The following PDSS1 variants were observed in gnomAD, a reference collection of about 807,000 sequenced individuals.
PDSS1 encodes decaprenyl diphosphate synthase subunit 1, also known as all trans-polyprenyl-diphosphate synthase PDSS1.
A neutral mutation model predicts 57.5 loss-of-function variants in PDSS1; 43 were observed. The ratio of observed to expected loss-of-function variants is 0.75; its 90% confidence interval spans 0.59 to 0.96. The LOEUF (loss-of-function observed/expected upper bound fraction) is 0.96. Among genes scored for constraint, PDSS1 ranks in the 50% least tolerant of loss-of-function variants. The pLI is 0.00. For missense variants in PDSS1, 438 were observed against 527.8 expected (o/e 0.83, Z 1.67); for synonymous variants, 175 against 191.3 (o/e 0.91, Z 0.70).
Position 26,723,803 on chromosome 10 carries a change from T to C in PDSS1, c.610-3T>C. On this transcript the variant is annotated splice_region_variant and splice_polypyrimidine_tract_variant and intron_variant, in intron 6 of 11. Transcript: ENST00000376215. ...GTTCTGTTTTCCCCCTGTCTTTTTC[T>C]AGGCTGTTCTTGCTGGAGATTTAAT... 3.8e-6 allele frequency: 6 copies of C among 1,599,120 alleles called. No homozygotes were observed. The highest frequency in any genetic ancestry group is 5.1e-6 in the Non-Finnish European group (6 of 1,166,314).
At chr10:26,731,082 C>CTGTA (rs1159341355) in intron 8 of PDSS1, among the ~76,000 whole-genome samples, 4 of 152,040 alleles carry the variant, frequency 2.6e-5, no homozygotes, top group Non-Finnish European at 5.9e-5. Flanking sequence ...TGGCACACAC[C>CTGTA]TGTAATCCCA....
At chr10:26,704,879 C>G in intron 3 of PDSS1, 138 bp downstream of exon 3, 1 of 648,544 alleles carries the variant, frequency 1.5e-6, no homozygotes, top group Non-Finnish European at 2.8e-6. Flanking sequence ...TCAAGCTATC[C>G]TCCCACCCTC....
rs141257000 is a variant in PDSS1 at position 26,728,848 on chromosome 10, A to G, written c.831+4725A>G. Among the ~76,000 whole-genome samples the G allele has an allele frequency of 2.7e-3, 365 of 133,664 alleles. 1 individual carries two copies. The highest frequency in any genetic ancestry group is 9.7e-3 in the African/African-American group (341 of 35,066). 87.7% of individuals were successfully genotyped at this position (133,664 alleles called of 152,430 possible). On this transcript the variant is annotated intron_variant, in intron 8 of 11. Coordinates refer to ENST00000376215, the MANE Select transcript of PDSS1 (RefSeq NM_014317.5). The stretch of plus-strand genomic sequence containing the variant: ...CGCTGGAGTGCAGTGGTGCAATCTC[A>G]GCTCACTGCAACCTCCACCTCCCGG...
At chr10:26,708,245 T>C (rs1349160453) in intron 4 of PDSS1, among the ~76,000 whole-genome samples, 1 of 152,250 alleles carries the variant, frequency 6.6e-6, no homozygotes, top group African/African-American at 2.4e-5. Flanking sequence ...TGTGTTCACC[T>C]GTGCCGAGCT....
intron 10 of PDSS1, among the ~76,000 whole-genome samples, chr10:26,742,239 T>C (rs1049425581): frequency 6.6e-6 from 1 of 152,252 alleles, no homozygotes; most frequent in African/African-American, 2.4e-5. Flanking sequence ...AGTGTTGGAC[T>C]AGGATAAAAC....
intron 10 of PDSS1, among the ~76,000 whole-genome samples, chr10:26,737,460 C>G (rs1458075278): frequency 6.6e-6 from 1 of 151,966 alleles, no homozygotes; most frequent in Non-Finnish European, 1.5e-5. Context: ...GCTGGTTAGG[C>G]GGTGGCTCAT....
intron 2 of PDSS1, 90 bp from the exon 3 acceptor site, chr10:26,704,587 A>G: frequency 2.7e-6 from 2 of 743,270 alleles, no homozygotes; most frequent in Non-Finnish European, 4.9e-6. Context: ...TGATTAGAAG[A>G]TAAAGATTAT....
intron 1 of PDSS1, among the ~76,000 whole-genome samples, chr10:26,700,254 T>TC (rs551492220): frequency 2.1e-4 from 10 of 47,918 alleles, no homozygotes; most frequent in African/African-American, 6.7e-4. Flanking sequence ...CATTCCCCCC[T>TC]CCCCCCCACC....
Position 26,737,722 on chromosome 10 carries a change from C to CAA in PDSS1, c.1026+2171_1026+2172dup, listed in dbSNP as rs200552153. On this transcript the variant is annotated intron_variant, in intron 10 of 11. Coordinates refer to ENST00000376215, the MANE Select transcript of PDSS1 (RefSeq NM_014317.5). ...TGGGTGACAGAGTGAGACTCCGTCT[C>CAA]AAAAAAAAAAAAAAAAAAAAAAAAA... is the stretch of plus-strand genomic sequence containing the variant. Among the ~76,000 whole-genome samples, 46 of 73,562 alleles carry CAA rather than the reference C, an allele frequency of 6.3e-4. 2 individuals are homozygous for CAA. Among genetic ancestry groups the CAA allele is most frequent in the Non-Finnish European group, 8.4e-4 (31 of 36,952 alleles). The allele number at this position is 73,562 out of a possible 152,430, so 48.3% of individuals were successfully genotyped here.
intron 8 of PDSS1, among the ~76,000 whole-genome samples, chr10:26,729,060 G>A (rs371455375): frequency 2.0e-5 from 3 of 152,060 alleles, no homozygotes; most frequent in Admixed American, 6.6e-5. Context: ...GATTATAGGC[G>A]TGAGTCACCG....
At chr10:26,723,993 G>A in intron 7 of PDSS1, 21 bp from the exon 8 acceptor site, 1 of 1,602,534 alleles carries the variant, frequency 6.2e-7, no homozygotes, top group Middle Eastern at 1.7e-4. Context: ...CCTCTCAAAT[G>A]ACTCCTTTCC....
chr10:26,725,607 T>A (rs911608548), intron 8 of PDSS1, among the ~76,000 whole-genome samples: 2 of 152,212 alleles, frequency 1.3e-5, no homozygotes, highest in Admixed American at 6.5e-5. Context: ...CTAACACTTT[T>A]ACAGTAATCC....
At position 26,716,565 on chromosome 10, in the gene PDSS1, G is replaced by A. The variant is rs140940764; in HGVS notation, c.468-3653G>A. Among the ~76,000 whole-genome samples the A allele has an allele frequency of 1.9e-3, 284 of 152,164 alleles. 1 individual carries two copies. The East Asian group carries it at 0.028, about 15-fold the overall frequency. ...AAATTATCTGGGCGTGGTGGCACACGCCTGTAGTCTCAGCTACCTGGGAGG... is the reference window on the plus strand; with the variant it reads ...AAATTATCTGGGCGTGGTGGCACACACCTGTAGTCTCAGCTACCTGGGAGG... On this transcript the variant is annotated intron_variant, in intron 5 of 11. Coordinates refer to ENST00000376215, the MANE Select transcript of PDSS1 (RefSeq NM_014317.5).
intron 5 of PDSS1, among the ~76,000 whole-genome samples, chr10:26,713,753 C>A (rs116466249): frequency 2.3e-3 from 346 of 152,222 alleles, no homozygotes; most frequent in African/African-American, 7.9e-3. Context: ...TGTGGTGGAT[C>A]CTGAGACTTG....
At chr10:26,716,584 T>C (rs1197944011) in intron 5 of PDSS1, among the ~76,000 whole-genome samples, 1 of 151,864 alleles carries the variant, frequency 6.6e-6, no homozygotes, top group East Asian at 1.9e-4. Context: ...CTCAGCTACC[T>C]GGGAGGCTCA....
chr10:26,739,547 C>G (rs990727174), intron 10 of PDSS1, among the ~76,000 whole-genome samples: 3 of 152,130 alleles, frequency 2.0e-5, no homozygotes, highest in African/African-American at 7.2e-5. Flanking sequence ...GTAAAAGCAT[C>G]AGTGAAAACA....
At chr10:26,731,589 T>G (rs1288588178) in intron 8 of PDSS1, among the ~76,000 whole-genome samples, 1 of 152,198 alleles carries the variant, frequency 6.6e-6, no homozygotes, top group Non-Finnish European at 1.5e-5. Context: ...CACCACCAGA[T>G]TTCCCTCTGT....
rs371017567 is a variant in PDSS1, at chr10:26,726,318, A to C, written c.831+2195A>C. On this transcript the variant is annotated intron_variant, in intron 8 of 11. Coordinates refer to ENST00000376215, the MANE Select transcript of PDSS1 (RefSeq NM_014317.5). The stretch of plus-strand genomic sequence containing the variant: ...GGGGGCATGCTGGCATCGTCCCAGC[A>C]CTACCTCCTTTTCATGTGGTTTATT... Among the ~76,000 whole-genome samples, 24 of 152,362 alleles carry C rather than the reference A, an allele frequency of 1.6e-4. 1 individual carries two copies. The South Asian group carries it at 5.0e-3, about 32-fold the overall frequency.
intron 8 of PDSS1, among the ~76,000 whole-genome samples, chr10:26,727,940 C>A (rs370048179): frequency 6.6e-6 from 1 of 152,138 alleles, no homozygotes. Context: ...AGATTCGATC[C>A]AGGTTATGAA....
Sources: gnomAD v4.1 joint callset for allele counts (sites outside exome capture counted in the v4.1 genomes callset) on GRCh38, gnomAD v4.1.1 for gene constraint, MANE v1.5 for transcripts, NCBI Gene and HGNC (gene_info 2026-07-23, HGNC 2026-07-21) for gene names.